Variants in LRP1B observed in about 807,000 individuals in gnomAD.
The protein encoded by LRP1B is LDL receptor related protein 1B.
LRP1B carries 217 observed loss-of-function variants against 556.6 expected under a neutral mutation model. The observed-to-expected ratio is 0.39, with a 90% CI of 0.35 to 0.44. LRP1B has a LOEUF of 0.44. Ranked by LOEUF, LRP1B falls within the 20% of genes least tolerant of loss-of-function variation. The probability of loss-of-function intolerance (pLI) is 1.00; values close to 1 mark genes in which losing one functional copy is unlikely to be tolerated. For synonymous variants in LRP1B, 2,047 were observed against 1,865.8 expected (o/e 1.10, Z -2.50); for missense variants, 5,053 against 5,620.8 (o/e 0.90, Z 3.23).
intron 1 of LRP1B, among the ~76,000 whole-genome samples, chr2:142,015,720 A>G (rs1187985956): frequency 1.3e-5 from 2 of 152,126 alleles, no homozygotes; most frequent in South Asian, 2.1e-4. Context: ...GGGGCCAGGC[A>G]CAGTGGCTCA....
At chr2:141,391,942 T>C (rs1205858273) in intron 3 of LRP1B, among the ~76,000 whole-genome samples, 1 of 152,192 alleles carries the variant, frequency 6.6e-6, no homozygotes, top group Non-Finnish European at 1.5e-5. Flanking sequence ...CACTACTATG[T>C]ATAAGTAAAA....
Position 141,203,394 on chromosome 2 carries a change from C to T in LRP1B, c.851-14811G>A, listed in dbSNP as rs191420569. 2.2e-3 allele frequency among the ~76,000 whole-genome samples: 342 copies of T among 152,018 alleles called. 3 individuals are homozygous for T. The highest frequency in any genetic ancestry group is 3.7e-3 in the Non-Finnish European group (250 of 67,980). Reference sequence around the variant, plus strand: ...AAAAAAAAAGAGTTGCAATCCTAATCTGTGATAAAACAGACTTTAAAGCAA... The same window carrying T: ...AAAAAAAAAGAGTTGCAATCCTAATTTGTGATAAAACAGACTTTAAAGCAA... On this transcript the variant is annotated intron_variant, in intron 6 of 90. Coordinates refer to ENST00000389484, the MANE Select transcript of LRP1B (RefSeq NM_018557.3).
In LRP1B at chr2:141,020,907, C is replaced by A. The variant is rs181022516; in HGVS notation, c.1790-805G>T. 2.3e-4 allele frequency among the ~76,000 whole-genome samples: 35 copies of A among 152,028 alleles called. 1 individual carries two copies. Among genetic ancestry groups the A allele is most frequent in the Admixed American group, 2.0e-3 (30 of 15,234 alleles). On this transcript the variant is annotated intron_variant, in intron 11 of 90. Coordinates refer to ENST00000389484, the MANE Select transcript of LRP1B (RefSeq NM_018557.3). Reference sequence around the variant, plus strand: ...TGGATAAATATCCAAGCCTTATGACCCACAGTGTGGAAACCCTCAAAACTG... The same window carrying A: ...TGGATAAATATCCAAGCCTTATGACACACAGTGTGGAAACCCTCAAAACTG...
At chr2:141,346,520 G>A (rs1688263550) in intron 3 of LRP1B, among the ~76,000 whole-genome samples, 1 of 152,126 alleles carries the variant, frequency 6.6e-6, no homozygotes, top group Non-Finnish European at 1.5e-5. Flanking sequence ...AGCTAGAGAT[G>A]TGGGGTCTTA....
At chr2:140,625,334 G>A (rs1033322990) in intron 41 of LRP1B, among the ~76,000 whole-genome samples, 3 of 152,088 alleles carry the variant, frequency 2.0e-5, no homozygotes, top group Non-Finnish European at 4.4e-5. Flanking sequence ...AAAAAGTAAT[G>A]GAAGGCAACA....
chr2:141,695,617 T>C (rs1329185845), intron 2 of LRP1B, among the ~76,000 whole-genome samples: 1 of 151,976 alleles, frequency 6.6e-6, no homozygotes, highest in Non-Finnish European at 1.5e-5. Flanking sequence ...AATGTTGCTA[T>C]AAATAAAAGC....
chr2:140,851,424 GTAACAAA>G (rs1315540932), intron 28 of LRP1B, among the ~76,000 whole-genome samples: 2 of 152,006 alleles, frequency 1.3e-5, no homozygotes, highest in Non-Finnish European at 2.9e-5. Flanking sequence ...AATCAATAAG[GTAACAAA>G]TAACAAAGTA....
intron 1 of LRP1B, among the ~76,000 whole-genome samples, chr2:141,858,869 AATT>A (rs1698149917): frequency 6.6e-6 from 1 of 152,158 alleles, no homozygotes; most frequent in African/African-American, 2.4e-5. Context: ...AAATGAAGGA[AATT>A]ATTATTATCA....
At chr2:141,544,301 C>CTTCTTCTTCTTCTTCTTCTTCTTCTTCTT (rs1553533043) in intron 2 of LRP1B, among the ~76,000 whole-genome samples, 2,757 of 6,644 alleles carry the variant, frequency 0.41, 748 homozygotes, top group Admixed American at 0.49. Context: ...TACCACTCTT[C>CTTCTTCTTCTTCTTCTTCTTCTTCTTCTT]TTCTTCTTCT....
intron 81 of LRP1B, among the ~76,000 whole-genome samples, chr2:140,323,323 A>G (rs993205307): frequency 2.0e-5 from 3 of 152,030 alleles, no homozygotes; most frequent in African/African-American, 7.2e-5. Flanking sequence ...GAGACTAACA[A>G]TAAGTCATAT....
chr2:140,872,395 G>A (rs1356665711), intron 25 of LRP1B, among the ~76,000 whole-genome samples: 2 of 74,342 alleles, frequency 2.7e-5, no homozygotes, highest in Non-Finnish European at 5.3e-5. Flanking sequence ...TTTTACTAAA[G>A]TAGCTATTGC....
At chr2:141,388,812 G>T (rs1182084109) in intron 3 of LRP1B, among the ~76,000 whole-genome samples, 1 of 152,078 alleles carries the variant, frequency 6.6e-6, no homozygotes, top group Non-Finnish European at 1.5e-5. Context: ...CAGCAAATTT[G>T]CCGGGCACAT....
At chr2:141,152,309 T>C (rs1283846890) in intron 7 of LRP1B, among the ~76,000 whole-genome samples, 3 of 151,942 alleles carry the variant, frequency 2.0e-5, no homozygotes, top group Non-Finnish European at 4.4e-5. Context: ...TTCGGGACAA[T>C]AACTAGGTTT....
chr2:140,270,286 A>G lies in LRP1B; in HGVS notation c.13203T>C (p.Gly4401=). 1 of 1,612,250 alleles carries G rather than the reference A, an allele frequency of 6.2e-7. No individual in the cohort carries two copies. Among genetic ancestry groups the G allele is most frequent in the Non-Finnish European group, 8.5e-7 (1 of 1,178,746 alleles). The change falls in exon 86 of 91, where the codon GGT becomes GGC. Residue 4401 remains glycine (G), a synonymous_variant. Transcript: ENST00000389484. ...CQLCDGYCYN[G]GTCQLDPETN... is the part of the protein sequence containing the mutation. ...TCTCGGGGTCCAGCTGGCATGTGCC[A>G]CCATTGTAACAGTAGCCATCACATA...
intron 1 of LRP1B, among the ~76,000 whole-genome samples, chr2:142,009,978 ATG>A (rs1387168274): frequency 3.3e-5 from 5 of 152,108 alleles, no homozygotes; most frequent in African/African-American, 1.2e-4. Flanking sequence ...GTATACATGT[ATG>A]TGTATATCTC....
intron 3 of LRP1B, among the ~76,000 whole-genome samples, chr2:141,268,074 T>A (rs2683867): frequency 0.045 from 6,923 of 152,232 alleles, 175 homozygotes; most frequent in South Asian, 0.11. Flanking sequence ...ATAACAGCTT[T>A]GAGAAGGTAT....
At chr2:142,062,797 G>A (rs1387726113) in intron 1 of LRP1B, among the ~76,000 whole-genome samples, 1 of 151,610 alleles carries the variant, frequency 6.6e-6, no homozygotes, top group African/African-American at 2.4e-5. Flanking sequence ...AACAAATATG[G>A]TTTAGAAGTA....
intron 25 of LRP1B, among the ~76,000 whole-genome samples, chr2:140,872,309 G>C (rs1443584330): frequency 7.1e-6 from 1 of 140,492 alleles, no homozygotes; most frequent in Non-Finnish European, 1.5e-5. Context: ...AGTGTGAACA[G>C]ACAAGTTCAT....
chr2:140,303,016 T>TATATATATATATAC (rs1683901268), intron 83 of LRP1B, among the ~76,000 whole-genome samples: 5 of 38,134 alleles, frequency 1.3e-4, no homozygotes, highest in African/African-American at 4.6e-4. Context: ...CTCCTTCATA[T>TATATATATATATAC]ATATATATAT....
Sources: gnomAD v4.1 joint callset for allele counts (sites outside exome capture counted in the v4.1 genomes callset) on GRCh38, gnomAD v4.1.1 for gene constraint, MANE v1.5 for transcripts, NCBI Gene and HGNC (gene_info 2026-07-23, HGNC 2026-07-21) for gene names.